NOX3: variants seen among roughly 807,000 people sequenced by gnomAD.
NOX3 encodes the protein NADPH oxidase catalytic subunit-like 3.
NOX3 carries 74 observed loss-of-function variants against 76.7 expected under a neutral mutation model. The observed-to-expected ratio is 0.96, with a 90% CI of 0.80 to 1.17. NOX3 has a LOEUF of 1.17. NOX3 is among the 50% of genes most tolerant of loss of function. NOX3 has a pLI of 0.00. For synonymous variants in NOX3, 263 were observed against 261.1 expected (o/e 1.01, Z -0.07); for missense variants, 695 against 703.3 (o/e 0.99, Z 0.13).
chr6:155,443,562 C>A, intron 4 of NOX3, 144 bp from the exon 5 acceptor site: 1 of 964,582 alleles, frequency 1.0e-6, no homozygotes. Flanking sequence ...ACACATCTTT[C>A]CCAGTGCTTT....
intron 12 of NOX3, among the ~76,000 whole-genome samples, chr6:155,397,447 G>A (rs1053442317): frequency 7.9e-5 from 12 of 152,146 alleles, no homozygotes; most frequent in African/African-American, 2.7e-4. Flanking sequence ...TCTTGGATAC[G>A]TGACCAGATG....
chr6:155,413,803 T>C (rs1776586839), intron 10 of NOX3, among the ~76,000 whole-genome samples: 1 of 152,056 alleles, frequency 6.6e-6, no homozygotes, highest in Non-Finnish European at 1.5e-5. Flanking sequence ...TGATTTATTT[T>C]CTCTCTTTCC....
Position 155,428,844 on chromosome 6 carries a change from C to G in NOX3, c.1095G>C (p.Glu365Asp). ...GGGCCTGTCCCTCTGCCCCAAAGGC[C>G]TCCAGTAGCGCTGCTGTCCAGTCTC... is the stretch of plus-strand genomic sequence containing the variant. Reference protein sequence around the residue: ...AAGDWTAALLEAFGAEGQALQ... With the variant: ...AAGDWTAALLDAFGAEGQALQ... Residue 365 changes from glutamate (E) to aspartate (D), a missense_variant, in exon 9 of 14, where the codon GAG (glutamate) becomes GAC (aspartate). By Grantham distance (45) the Glu-to-Asp change is conservative (BLOSUM62 2). Coordinates refer to ENST00000159060, the MANE Select transcript of NOX3 (RefSeq NM_015718.3). 6.3e-7 allele frequency: 1 copy of G among 1,595,506 alleles called. No homozygotes were observed. Among genetic ancestry groups the G allele is most frequent in the South Asian group, 1.1e-5 (1 of 88,974 alleles).
At chr6:155,402,771 A>G (rs1379518605) in intron 12 of NOX3, among the ~76,000 whole-genome samples, 3 of 152,202 alleles carry the variant, frequency 2.0e-5, no homozygotes, top group Non-Finnish European at 4.4e-5. Context: ...ACAGGTAAAT[A>G]TTTTTGAAAG....
chr6:155,422,554 A>G (rs757245127), intron 10 of NOX3, 140 bp downstream of exon 10: 10 of 739,820 alleles, frequency 1.4e-5, no homozygotes, highest in African/African-American at 3.5e-5. Flanking sequence ...GGAGATTTTT[A>G]AGAACATAAG....
At chr6:155,432,500 C>G (rs967209024) in intron 7 of NOX3, among the ~76,000 whole-genome samples, 1 of 152,188 alleles carries the variant, frequency 6.6e-6, no homozygotes, top group African/African-American at 2.4e-5. Flanking sequence ...GCTCCCTGAC[C>G]AGTCATCTGG....
chr6:155,430,801 C>G, intron 8 of NOX3, 42 bp downstream of exon 8: 1 of 1,401,702 alleles, frequency 7.1e-7, no homozygotes, highest in Non-Finnish European at 1.0e-6. Context: ...AAATTTTCAT[C>G]TACACTCAGG....
intron 10 of NOX3, among the ~76,000 whole-genome samples, chr6:155,421,853 A>T (rs1776693443): frequency 6.6e-6 from 1 of 152,136 alleles, no homozygotes; most frequent in Non-Finnish European, 1.5e-5. Flanking sequence ...ATGTTGCAGG[A>T]GCGTTGCTTA....
chr6:155,426,201 G>A (rs1021432930), intron 9 of NOX3, among the ~76,000 whole-genome samples: 3 of 152,282 alleles, frequency 2.0e-5, no homozygotes, highest in Admixed American at 6.5e-5. Flanking sequence ...GGCAGAGGGC[G>A]AAACAAATTA....
At chr6:155,411,152 T>G in intron 11 of NOX3, 62 bp downstream of exon 11, 2 of 1,425,796 alleles carry the variant, frequency 1.4e-6, no homozygotes. Flanking sequence ...TTATTGAAAT[T>G]GTTCCTCATT....
intron 4 of NOX3, among the ~76,000 whole-genome samples, chr6:155,448,726 T>G (rs1777096539): frequency 1.3e-5 from 2 of 152,144 alleles, no homozygotes; most frequent in African/African-American, 4.8e-5. Flanking sequence ...TCTTTCATTT[T>G]ATTTTTCAGG....
At position 155,411,358 on chromosome 6, in the gene NOX3, C is replaced by A. The variant is rs1219773378; in HGVS notation, c.1311G>T (p.Val437=). 5 of 1,612,834 alleles carry A rather than the reference C, an allele frequency of 3.1e-6. No individual in the cohort carries two copies. The highest frequency in any genetic ancestry group is 4.2e-6 in the Non-Finnish European group (5 of 1,179,406). The change falls in exon 11 of 14, where the codon GTG becomes GTT. Residue 437 remains valine, a splice_region_variant and synonymous_variant. Transcript: ENST00000159060. Reference sequence around the variant, plus strand: ...CATCCCGGCAAATCCAGTAGAAATACACCTGTCAAGAGAGAAGGCAAGTGA... The same window carrying A: ...CATCCCGGCAAATCCAGTAGAAATAAACCTGTCAAGAGAGAAGGCAAGTGA... ...EAQTPLKLSK[V]YFYWICRDAR... is the part of the protein sequence containing the mutation.
At position 155,428,852 on chromosome 6, in the gene NOX3, G is replaced by A; in HGVS notation, c.1087C>T (p.Leu363=). ...CCCTCTGCCCCAAAGGCCTCCAGTA[G>A]CGCTGCTGTCCAGTCTCCTGCTGCC... ...IRAAGDWTAA[L]LEAFGAEGQA... is the part of the protein sequence containing the mutation. The change falls in exon 9 of 14, where the codon CTA becomes TTA. Residue 363 remains leucine (L), a synonymous_variant. Coordinates refer to ENST00000159060, the MANE Select transcript of NOX3 (RefSeq NM_015718.3). The A allele has an allele frequency of 6.2e-7, 1 of 1,602,910 alleles. No homozygotes were observed. The highest frequency in any genetic ancestry group is 8.5e-7 in the Non-Finnish European group (1 of 1,172,322).
chr6:155,412,362 A>G (rs1776562456), intron 10 of NOX3, among the ~76,000 whole-genome samples: 1 of 152,198 alleles, frequency 6.6e-6, no homozygotes, highest in African/African-American at 2.4e-5. Context: ...TAATGAATAG[A>G]TCAAATTCAT....
Position 155,455,045 on chromosome 6 carries a change from C to T in NOX3, c.133G>A (p.Val45Ile), listed in dbSNP as rs1231328532. The T allele has an allele frequency of 3.7e-6, 6 of 1,609,274 alleles. No individual in the cohort carries two copies. Among genetic ancestry groups the T allele is most frequent in the South Asian group, 1.1e-5 (1 of 90,724 alleles). ...EEEESFHYTRVILGSTLAWAR... is the reference protein window; with the variant it reads ...EEEESFHYTRIILGSTLAWAR... ...TAAACTGTACTTACACCCAAAATAACTCGTGTGTAATGGAAAGACTCCTCC... is the reference window on the plus strand; with the variant it reads ...TAAACTGTACTTACACCCAAAATAATTCGTGTGTAATGGAAAGACTCCTCC... The change falls in exon 2 of 14, where the codon GTT (valine) becomes ATT (isoleucine). Residue 45 changes from valine (V) to isoleucine (I), a missense_variant. Transcript: ENST00000159060.
chr6:155,397,412 G>A (rs1779154339), intron 12 of NOX3, among the ~76,000 whole-genome samples: 1 of 152,110 alleles, frequency 6.6e-6, no homozygotes, highest in Non-Finnish European at 1.5e-5. Flanking sequence ...CCTCCTTTTT[G>A]GCCAGGTGAC....
At chr6:155,426,205 C>T (rs970306400) in intron 9 of NOX3, among the ~76,000 whole-genome samples, 2 of 152,146 alleles carry the variant, frequency 1.3e-5, no homozygotes, top group Non-Finnish European at 2.9e-5. Context: ...GAGGGCGAAA[C>T]AAATTAGTGA....
At chr6:155,433,178 G>A (rs1776856630) in intron 7 of NOX3, among the ~76,000 whole-genome samples, 1 of 152,114 alleles carries the variant, frequency 6.6e-6, no homozygotes. Context: ...CATGGTTCAG[G>A]TAGGAGAATA....
intron 9 of NOX3, among the ~76,000 whole-genome samples, chr6:155,428,293 T>C (rs1014424880): frequency 6.6e-6 from 1 of 152,214 alleles, no homozygotes; most frequent in Non-Finnish European, 1.5e-5. Context: ...AGAAATAGGG[T>C]TGCAGACATA....
Sources: gnomAD v4.1 joint callset for allele counts (sites outside exome capture counted in the v4.1 genomes callset) on GRCh38, gnomAD v4.1.1 for gene constraint, MANE v1.5 for transcripts, NCBI Gene and HGNC (gene_info 2026-07-23, HGNC 2026-07-21) for gene names.